Variants in PPP4R4 observed in about 807,000 individuals in gnomAD.
The protein encoded by PPP4R4 is protein phosphatase 4 regulatory subunit 4.
A neutral mutation model predicts 121.8 loss-of-function variants in PPP4R4; 70 were observed. The ratio of observed to expected loss-of-function variants is 0.57; its 90% CI spans 0.47 to 0.70. PPP4R4 has a LOEUF of 0.70. PPP4R4 is among the 30% of genes least tolerant of loss of function. The probability of loss-of-function intolerance (pLI) is 0.00; values close to 1 mark genes in which losing one functional copy is unlikely to be tolerated. For missense variants in PPP4R4, 875 were observed against 1,033.6 expected (o/e 0.85, Z 2.10); for synonymous variants, 348 against 355.7 (o/e 0.98, Z 0.24).
At chr14:94,183,399 T>C (rs1471540647) in intron 2 of PPP4R4, among the ~76,000 whole-genome samples, 2 of 152,226 alleles carry the variant, frequency 1.3e-5, no homozygotes, top group Non-Finnish European at 2.9e-5. Flanking sequence ...CAGTATATAA[T>C]GGATTCCAGC....
intron 17 of PPP4R4, among the ~76,000 whole-genome samples, 171 bp from the exon 18 acceptor site, chr14:94,258,612 T>C (rs2180399): frequency 0.24 from 35,908 of 152,096 alleles, 5,094 homozygotes; most frequent in East Asian, 0.59. Context: ...TGTATAAAGA[T>C]TGATTGTAAG....
Position 94,242,427 on chromosome 14 carries a change from T to TA in PPP4R4, c.1266+20dup. 3 of 1,597,696 alleles carry TA rather than the reference T, an allele frequency of 1.9e-6. No homozygotes were observed. The highest frequency in any genetic ancestry group is 2.6e-6 in the Non-Finnish European group (3 of 1,165,626). On this transcript the variant is annotated intron_variant, in intron 11 of 24. Coordinates refer to ENST00000304338, the MANE Select transcript of PPP4R4 (RefSeq NM_058237.2). ...TTATGAAGTAAGTCTGAAGACTTGA[T>TA]ATCACTTTACGTTTGTTGTTAATTC...
chr14:94,248,868 C>G (rs1893032020), intron 14 of PPP4R4, among the ~76,000 whole-genome samples: 1 of 152,012 alleles, frequency 6.6e-6, no homozygotes, highest in Admixed American at 6.6e-5. Context: ...ATTTTCAGAG[C>G]TAGGAGGTGG....
At chr14:94,269,284 C>CGGTA (rs1894198370) in intron 23 of PPP4R4, among the ~76,000 whole-genome samples, 1 of 152,032 alleles carries the variant, frequency 6.6e-6, no homozygotes, top group Non-Finnish European at 1.5e-5. Context: ...TTCACAGTAC[C>CGGTA]GGTCATAAAC....
chr14:94,191,602 A>G lies in PPP4R4; in HGVS notation c.191+15475A>G, dbSNP rs1037274008. Among the ~76,000 whole-genome samples, 7 of 152,110 alleles carry G rather than the reference A, an allele frequency of 4.6e-5. No homozygotes were observed. The East Asian group carries it at 5.8e-4, about 13-fold the overall frequency. On this transcript the variant is annotated intron_variant, in intron 2 of 24. Transcript: ENST00000304338. ...CAGAACAGCAGAACTTATTCCTCCT[A>G]TCTTGCTGTATAAATTGTTGAAGAG...
At chr14:94,239,677 G>T (rs1443830790) in intron 8 of PPP4R4, among the ~76,000 whole-genome samples, 1 of 152,052 alleles carries the variant, frequency 6.6e-6, no homozygotes, top group Non-Finnish European at 1.5e-5. Context: ...CTGTTTTTGT[G>T]ATGCAAGAAC....
chr14:94,242,336 T>G lies in PPP4R4; in HGVS notation c.1194T>G (p.Tyr398Ter). ...VDPKNFHMEL[Y>*]STFFCLCHDP... ...CTAAAAACTTCCACATGGAACTCTA[T>G]TCTACATTCTTCTGCCTTTGCCATG... Residue 398 changes from tyrosine (Y) to a stop codon, truncating the protein, a stop_gained, in exon 11 of 25, where the codon TAT (tyrosine) becomes TAG (stop). Transcript: ENST00000304338. LOFTEE classifies it high-confidence loss of function. 6.2e-7 allele frequency: 1 copy of G among 1,608,524 alleles called. No individual in the cohort carries two copies. Among genetic ancestry groups the G allele is most frequent in the Non-Finnish European group, 8.5e-7 (1 of 1,175,030 alleles).
intron 3 of PPP4R4, among the ~76,000 whole-genome samples, chr14:94,212,413 A>G (rs1890790145): frequency 6.6e-6 from 1 of 152,208 alleles, no homozygotes; most frequent in South Asian, 2.1e-4. Context: ...GAAAAATAGA[A>G]TTAAGCCAAT....
chr14:94,279,292 A>T lies in PPP4R4; in HGVS notation c.*649A>T, dbSNP rs1894808828. 1 of 152,556 alleles carries T rather than the reference A, an allele frequency of 6.6e-6. No homozygotes were observed. Among genetic ancestry groups the T allele is most frequent in the African/African-American group, 2.4e-5 (1 of 41,418 alleles). The allele number at this position is 152,556 out of a possible 1,614,324, so 9.5% of individuals were successfully genotyped here. On this transcript the variant is annotated 3_prime_UTR_variant, in exon 25 of 25. Transcript: ENST00000304338. ...GCTATAAATACCTTAAAAATAATAGATTGATGATTTTCTTTATTTCCTAGA... is the reference window on the plus strand; with the variant it reads ...GCTATAAATACCTTAAAAATAATAGTTTGATGATTTTCTTTATTTCCTAGA...
chr14:94,250,195 G>A lies in PPP4R4; in HGVS notation c.1635G>A (p.Ala545=), dbSNP rs781036614. ...AGAATGTTTTACCTGTCCAAAAGGC[G>A]GCTTCACGAACTCTATGCATTTTTC... The part of the protein sequence containing the change: ...MTNNVLPVQK[A]ASRTLCIFLR... The change falls in exon 15 of 25, where the codon GCG becomes GCA. Residue 545 remains alanine, a synonymous_variant. Coordinates refer to ENST00000304338, the MANE Select transcript of PPP4R4 (RefSeq NM_058237.2). The A allele has an allele frequency of 6.2e-6, 10 of 1,611,158 alleles. No homozygotes were observed. Among genetic ancestry groups the A allele is most frequent in the Non-Finnish European group, 7.6e-6 (9 of 1,177,854 alleles).
chr14:94,260,027 A>G (rs1359063533), intron 19 of PPP4R4, among the ~76,000 whole-genome samples: 1 of 152,188 alleles, frequency 6.6e-6, no homozygotes, highest in Non-Finnish European at 1.5e-5. Flanking sequence ...ACATTAGTGA[A>G]GAAGTCCTTG....
At position 94,236,132 on chromosome 14, in the gene PPP4R4, T is replaced by TG. The variant is rs1467105000; in HGVS notation, c.732-1433_732-1432insG. 6.6e-5 allele frequency among the ~76,000 whole-genome samples: 10 copies of TG among 152,338 alleles called. No individual in the cohort carries two copies. The East Asian group carries it at 1.9e-3, about 29-fold the overall frequency. ...TGTGTCCACTGTTGCTAAATAGTAT[T>TG]TAAGTGTCGTGTTGGAAGTTTAACA... On this transcript the variant is annotated intron_variant, in intron 7 of 24. Transcript: ENST00000304338.
chr14:94,230,629 G>A lies in PPP4R4; in HGVS notation c.337G>A (p.Ala113Thr), dbSNP rs1891969365. 6.2e-7 allele frequency: 1 copy of A among 1,613,162 alleles called. No homozygotes were observed. The highest frequency in any genetic ancestry group is 1.3e-5 in the African/African-American group (1 of 75,034). Residue 113 changes from alanine (A) to threonine (T), a missense_variant, in exon 4 of 25, where the codon GCG becomes ACG. Physicochemically the swap from Ala to Thr is moderately conservative, Grantham distance 58. Coordinates refer to ENST00000304338, the MANE Select transcript of PPP4R4 (RefSeq NM_058237.2). ...VAGVEMQLTA[A>T]MSFLTILQDE... ...AGGAGTGGAAATGCAGTTAACGGCT[G>A]CGATGTCATTTCTGACCATTCTGCA...
Position 94,265,867 on chromosome 14 carries a change from C to A in PPP4R4, c.2358C>A (p.Gly786=), listed in dbSNP as rs889967876. ...ATCAAGCTTTTCATGCAAAATATGG[C>A]AACTTAGAGAAATGTGCTAGGTACG... ...FNNQAFHAKY[G]NLEKCASKSS... Residue 786 remains glycine (G), a synonymous_variant, in exon 22 of 25, where the codon GGC becomes GGA. Transcript: ENST00000304338. The A allele has an allele frequency of 1.2e-6, 2 of 1,600,290 alleles. No individual in the cohort carries two copies. Among genetic ancestry groups the A allele is most frequent in the Non-Finnish European group, 1.7e-6 (2 of 1,168,946 alleles).
At chr14:94,245,563 A>G in intron 12 of PPP4R4, 24 bp from the exon 13 acceptor site, 1 of 1,334,774 alleles carries the variant, frequency 7.5e-7, no homozygotes, top group Non-Finnish European at 1.1e-6. Flanking sequence ...TCACTATAAC[A>G]GTAATCAATA....
chr14:94,251,957 C>A, intron 16 of PPP4R4, 61 bp downstream of exon 16: 1 of 1,378,454 alleles, frequency 7.3e-7, no homozygotes, highest in Non-Finnish European at 9.8e-7. Context: ...CTATAGTGAA[C>A]ATATGCAAAA....
intron 3 of PPP4R4, 126 bp from the exon 4 acceptor site, chr14:94,230,461 C>A: frequency 1.2e-6 from 1 of 804,556 alleles, no homozygotes; most frequent in Non-Finnish European, 1.9e-6. Flanking sequence ...AAGTACATAT[C>A]CTTAAAGGTC....
In PPP4R4 at chr14:94,250,277, C is replaced by T. The variant is rs1443711419; in HGVS notation, c.1717C>T (p.Gln573Ter). 6 of 1,575,342 alleles carry T rather than the reference C, an allele frequency of 3.8e-6. No homozygotes were observed. The highest frequency in any genetic ancestry group is 2.7e-5 in the African/African-American group (2 of 74,038). ...TGAGGTCATTCAAAAATTAATTGAA[C>T]GTAAGTAATCATTGTCTACTATTTT... ...RHEVIQKLIE[Q>*]LGQGKSYWNR... Residue 573 changes from glutamine to a stop codon, truncating the protein, a stop_gained and splice_region_variant, in exon 15 of 25, where the codon CAA (glutamine) becomes TAA (stop). Transcript: ENST00000304338. LOFTEE classifies it high-confidence loss of function.
At chr14:94,231,117 A>T in intron 4 of PPP4R4, 125 bp from the exon 5 acceptor site, 1 of 725,668 alleles carries the variant, frequency 1.4e-6, no homozygotes, top group Non-Finnish European at 2.1e-6. Context: ...GAAACTTTTT[A>T]GAATAGTAAT....
Sources: gnomAD v4.1 joint callset for allele counts (sites outside exome capture counted in the v4.1 genomes callset) on GRCh38, gnomAD v4.1.1 for gene constraint, MANE v1.5 for transcripts, NCBI Gene and HGNC (gene_info 2026-07-23, HGNC 2026-07-21) for gene names.